DET1: variants seen among roughly 807,000 people sequenced by gnomAD.
DET1 encodes DET1 homolog.
In DET1, 22 loss-of-function variants were observed where a neutral mutation model predicts 43.7. That is an observed-to-expected ratio of 0.50 (90% CI 0.36 to 0.72). The LOEUF is 0.72. DET1 is among the 30% of genes least tolerant of loss of function. DET1 has a pLI of 0.00. For synonymous variants in DET1, 315 were observed against 266.2 expected, an observed-to-expected ratio of 1.18 and a Z score of -1.79; for missense variants, 713 against 713.3, an observed-to-expected ratio of 1.00 and a Z score of 0.00.
chr15:88,523,441 G>GTCTCCC (rs2056559469), intron 3 of DET1, among the ~76,000 whole-genome samples: 1 of 151,514 alleles, frequency 6.6e-6, no homozygotes, highest in Non-Finnish European at 1.5e-5. Context: ...CCTTTCCACG[G>GTCTCCC]TCTCCCTCTC....
chr15:88,523,588 C>T (rs1471518723), intron 3 of DET1, among the ~76,000 whole-genome samples: 1 of 152,180 alleles, frequency 6.6e-6, no homozygotes. Flanking sequence ...TGCAGGCGCG[C>T]ACCGCCACGC....
chr15:88,505,933 C>G (rs535740733), intron 7 of DET1: 1 of 152,098 alleles, frequency 6.6e-6, no homozygotes, highest in Non-Finnish European at 1.5e-5. Context: ...ATAGGTGATG[C>G]ATGGCAAAAG....
intron 2 of DET1, among the ~76,000 whole-genome samples, chr15:88,529,350 A>G (rs1340407581): frequency 3.3e-5 from 5 of 152,186 alleles, no homozygotes; most frequent in Non-Finnish European, 5.9e-5. Flanking sequence ...TCCAAGGCAG[A>G]CTGGGAAATA....
At chr15:88,535,240 C>G (rs1032883274) in intron 1 of DET1, among the ~76,000 whole-genome samples, 9 of 152,070 alleles carry the variant, frequency 5.9e-5, no homozygotes, top group Admixed American at 5.9e-4. Flanking sequence ...GAATAAAAAA[C>G]TCACTGATGG....
Position 88,531,593 on chromosome 15 carries a change from T to G in DET1, c.113A>C (p.Gln38Pro). 1 of 1,614,036 alleles carries G rather than the reference T, an allele frequency of 6.2e-7. No homozygotes were observed. The highest frequency in any genetic ancestry group is 8.5e-7 in the Non-Finnish European group (1 of 1,179,896). ...SSGKAGTHWH[Q>P]VRVFHQNVFP... The stretch of plus-strand genomic sequence containing the variant: ...GACATTCTGATGGAACACTCGGACT[T>G]GGTGCCAGTGGGTACCTGCCTTGCC... Residue 38 changes from glutamine (Q) to proline (P), a missense_variant, in exon 2 of 5, where the codon CAA (glutamine) becomes CCA (proline). By Grantham distance (76) the Gln-to-Pro change is moderately conservative (BLOSUM62 -1). Coordinates refer to ENST00000268148, the MANE Select transcript of DET1 (RefSeq NM_001144074.3). The surrounding 1 kb of genome is among the most constrained non-coding windows in gnomAD (Gnocchi z 6.2).
intron 1 of DET1, among the ~76,000 whole-genome samples, chr15:88,545,532 T>G (rs1031710405): frequency 6.6e-6 from 1 of 152,236 alleles, no homozygotes; most frequent in African/African-American, 2.4e-5. Context: ...GGCTAACTAC[T>G]TTAATCACTG....
At chr15:88,528,906 G>A (rs911907844) in intron 2 of DET1, among the ~76,000 whole-genome samples, 3 of 152,214 alleles carry the variant, frequency 2.0e-5, no homozygotes, top group African/African-American at 4.8e-5. Context: ...AGGGTAACCT[G>A]AGAATAGTAC....
Position 88,524,447 on chromosome 15 carries a change from C to T in DET1, c.1271+3152G>A, listed in dbSNP as rs993932705. On this transcript the variant is annotated intron_variant, in intron 3 of 4. Transcript: ENST00000268148. Reference sequence around the variant, plus strand: ...GAGCCCCTCTGCCCAGCCGCCACCCCATCTGGGAGGAGTACCCAACAGCTC... The same window carrying T: ...GAGCCCCTCTGCCCAGCCGCCACCCTATCTGGGAGGAGTACCCAACAGCTC... Among the ~76,000 whole-genome samples, 86 of 152,366 alleles carry T rather than the reference C, an allele frequency of 5.6e-4. 1 individual carries two copies. The highest frequency in any genetic ancestry group is 4.1e-4 in the South Asian group (2 of 4,834).
chr15:88,546,499 T>A (rs2057261155), intron 1 of DET1, 41 bp downstream of exon 1: 1 of 152,482 alleles, frequency 6.6e-6, no homozygotes, highest in Non-Finnish European at 1.5e-5. Context: ...GGGGAGGGTC[T>A]GACGGGCTTG....
intron 3 of DET1, among the ~76,000 whole-genome samples, chr15:88,526,705 G>A (rs1310933605): frequency 6.6e-6 from 1 of 152,194 alleles, no homozygotes; most frequent in African/African-American, 2.4e-5. Context: ...AGCATAACAT[G>A]TCTCATCCCT....
chr15:88,528,567 T>A (rs890401033), intron 2 of DET1, among the ~76,000 whole-genome samples: 5 of 152,220 alleles, frequency 3.3e-5, no homozygotes, highest in Non-Finnish European at 5.9e-5. Flanking sequence ...AGTTACTGCT[T>A]TTTCTAAATG....
At position 88,531,782 on chromosome 15, in the gene DET1, A is replaced by G. The variant is rs1370425031; in HGVS notation, c.-10-67T>C. 1.4e-6 allele frequency: 2 copies of G among 1,419,582 alleles called. No individual in the cohort carries two copies. The highest frequency in any genetic ancestry group is 4.9e-5 in the Admixed American group (2 of 40,988). The allele number at this position is 1,419,582 out of a possible 1,614,324, so 87.9% of individuals were successfully genotyped here. A position where few individuals can be genotyped will look rare whatever the true frequency, so the allele number is the denominator to read the frequency against. On this transcript the variant is annotated intron_variant, in intron 1 of 4. Transcript: ENST00000268148. This position sits in a 1 kb window ranked among gnomAD's most constrained non-coding sequence, Gnocchi z 6.2. ...AATTTACCAAAATATAAATATATAC[A>G]AGTGAAACAGATTTCTCTTCTTATA...
intron 3 of DET1, among the ~76,000 whole-genome samples, chr15:88,524,354 T>G (rs573131510): frequency 6.6e-6 from 1 of 150,484 alleles, no homozygotes; most frequent in South Asian, 2.1e-4. Flanking sequence ...GGGCAGCCCC[T>G]GCCTGGCCAC....
chr15:88,541,817 C>G (rs2057113678), intron 1 of DET1, among the ~76,000 whole-genome samples: 2 of 152,198 alleles, frequency 1.3e-5, no homozygotes. Flanking sequence ...CACCTCGACC[C>G]TCAGCCAGTT....
chr15:88,533,240 C>A (rs1455281685), intron 1 of DET1, among the ~76,000 whole-genome samples: 2 of 152,054 alleles, frequency 1.3e-5, no homozygotes, highest in East Asian at 3.9e-4. Flanking sequence ...TGGGATATCA[C>A]CTCACACCCA....
At position 88,512,857 on chromosome 15, in the gene DET1, G is replaced by GAGC; in HGVS notation, c.*91_*93dup. The stretch of plus-strand genomic sequence containing the variant: ...GAGGTATAGCAGGCTGGAACTAACA[G>GAGC]AGCTAGTAGTCGGGAGCTTTTGCTT... On this transcript the variant is annotated 3_prime_UTR_variant, in exon 5 of 5. Transcript: ENST00000268148. 6.5e-7 allele frequency: 1 copy of GAGC among 1,533,070 alleles called. No homozygotes were observed. 95.0% of individuals were successfully genotyped at this position (1,533,070 alleles called of 1,614,324 possible).
rs2056700331 is a variant in DET1 at position 88,527,625 on chromosome 15, G to A, written c.1245C>T (p.Asn415=). 6.2e-7 allele frequency: 1 copy of A among 1,608,900 alleles called. No homozygotes were observed. The change falls in exon 3 of 5, where the codon AAC becomes AAT. Residue 415 remains asparagine, a synonymous_variant. Coordinates refer to ENST00000268148, the MANE Select transcript of DET1 (RefSeq NM_001144074.3). ...EVQFPCSASS[N]NFARQIQRRF... ...GGCGCTGGATCTGCCTTGCAAAATT[G>A]TTGCTAGAAGCTGAGCAGGGAAACT...
chr15:88,538,469 T>C (rs1478829582), intron 1 of DET1, among the ~76,000 whole-genome samples: 2 of 151,436 alleles, frequency 1.3e-5, no homozygotes, highest in Non-Finnish European at 2.9e-5. Context: ...TCTGTAAAAT[T>C]GTTTTAACTA....
At chr15:88,539,154 GA>G (rs891899609) in intron 1 of DET1, among the ~76,000 whole-genome samples, 11 of 147,020 alleles carry the variant, frequency 7.5e-5, no homozygotes, top group African/African-American at 1.5e-4. Context: ...CTCCAGGAAA[GA>G]AAAAAAAAAC....
Sources: gnomAD v4.1 joint callset for allele counts (sites outside exome capture counted in the v4.1 genomes callset) on GRCh38, gnomAD v4.1.1 for gene constraint, Gnocchi (gnomAD v3.1) non-coding constraint, MANE v1.5 for transcripts, NCBI Gene and HGNC (gene_info 2026-07-23, HGNC 2026-07-21) for gene names.